Variants in MAPK6 observed in about 807,000 individuals in gnomAD.
The protein encoded by MAPK6 is ERK-3.
A neutral mutation model predicts 59.3 loss-of-function variants in MAPK6; 19 were observed. The ratio of observed to expected loss-of-function variants is 0.32; its 90% confidence interval spans 0.22 to 0.47. MAPK6 has a LOEUF of 0.47. MAPK6 is among the 20% of genes least tolerant of loss of function. MAPK6 has a pLI of 1.00. For missense variants in MAPK6, 724 were observed against 847.9 expected (o/e 0.85, Z 1.81); for synonymous variants, 316 against 290.3 (o/e 1.09, Z -0.90).
intron 1 of MAPK6, among the ~76,000 whole-genome samples, chr15:52,035,353 G>A (rs1448347502): frequency 6.6e-6 from 1 of 152,184 alleles, no homozygotes; most frequent in East Asian, 1.9e-4. Context: ...AAACCCATAG[G>A]GGGCCGGGCA....
At chr15:52,042,243 C>T (rs1221797249) in intron 1 of MAPK6, among the ~76,000 whole-genome samples, 1 of 152,208 alleles carries the variant, frequency 6.6e-6, no homozygotes, top group Admixed American at 6.5e-5. Context: ...TGAACAAGCA[C>T]TGCCATTGTA....
At chr15:51,981,334 G>A (rs1403662050) in intron 1 of MAPK6, among the ~76,000 whole-genome samples, 1 of 151,934 alleles carries the variant, frequency 6.6e-6, no homozygotes, top group African/African-American at 2.4e-5. Flanking sequence ...TTAGCCGCGT[G>A]TGGTGGCGGG....
chr15:52,036,431 A>G (rs1314176284), intron 1 of MAPK6, among the ~76,000 whole-genome samples: 2 of 152,200 alleles, frequency 1.3e-5, no homozygotes, highest in African/African-American at 2.4e-5. Context: ...GTCTGATACC[A>G]TGGTGCCGGC....
intron 3 of MAPK6, among the ~76,000 whole-genome samples, chr15:52,014,141 C>T (rs73398802): frequency 5.9e-5 from 9 of 152,098 alleles, no homozygotes; most frequent in Admixed American, 3.9e-4. Flanking sequence ...CCTGATGTCC[C>T]CGGTTCTTAT....
chr15:51,980,020 C>T (rs1362761180), intron 1 of MAPK6, among the ~76,000 whole-genome samples: 2 of 151,766 alleles, frequency 1.3e-5, no homozygotes, highest in South Asian at 2.1e-4. Context: ...AAGGGCCGGG[C>T]GCGGTGGCTC....
intron 2 of MAPK6, among the ~76,000 whole-genome samples, chr15:51,993,583 TATAG>T (rs139028623): frequency 2.1e-4 from 32 of 152,236 alleles, no homozygotes; most frequent in East Asian, 1.3e-3. Flanking sequence ...TAATTTTAAA[TATAG>T]ATAGATGGAT....
intron 1 of MAPK6, among the ~76,000 whole-genome samples, chr15:52,041,069 A>G (rs551794779): frequency 1.3e-5 from 2 of 152,206 alleles, no homozygotes. Context: ...AATTGGAAAG[A>G]TGCTGGAAAG....
chr15:51,987,227 A>C (rs1222899264), intron 2 of MAPK6, among the ~76,000 whole-genome samples: 1 of 152,210 alleles, frequency 6.6e-6, no homozygotes, highest in Non-Finnish European at 1.5e-5. Context: ...AATCGAACTG[A>C]GGAGGGAATT....
chr15:52,039,518 T>TC (rs2031349702), intron 1 of MAPK6, among the ~76,000 whole-genome samples: 1 of 146,858 alleles, frequency 6.8e-6, no homozygotes, highest in Non-Finnish European at 1.5e-5. Context: ...TCTTTTTTTT[T>TC]TTTTTTTTTT....
rs182410403 is a variant in MAPK6 at position 52,065,922 on chromosome 15, T to G, written c.*922T>G. On this transcript the variant is annotated 3_prime_UTR_variant, in exon 6 of 6. Transcript: ENST00000261845. The stretch of plus-strand genomic sequence containing the variant: ...GCTTGATCTATCTACAAAGAAAAAT[T>G]AATTAGGAATTACTTTATTATAAAA... 2 of 152,590 alleles carry G rather than the reference T, an allele frequency of 1.3e-5. No homozygotes were observed. Among genetic ancestry groups the G allele is most frequent in the Non-Finnish European group, 1.5e-5 (1 of 68,026 alleles). The allele number at this position is 152,590 out of a possible 1,614,324, so 9.5% of individuals were successfully genotyped here.
In MAPK6 at chr15:52,064,871, C is replaced by CCCACAGTTT; in HGVS notation, c.2039_2047dup (p.Pro680_Phe682dup). 6.2e-7 allele frequency: 1 copy of CCCACAGTTT among 1,611,928 alleles called. No homozygotes were observed. The highest frequency in any genetic ancestry group is 8.5e-7 in the Non-Finnish European group (1 of 1,179,826). ...ACAAGCAGCTCGAGTCCATAGGCAT[C>CCCACAGTTT]CCACAGTTTCACAGTCCAGTTGGGT... On this transcript the variant is annotated inframe_insertion, in exon 6 of 6. Coordinates refer to ENST00000261845, the MANE Select transcript of MAPK6 (RefSeq NM_002748.4).
chr15:52,052,577 C>T (rs2031817799), intron 3 of MAPK6, among the ~76,000 whole-genome samples: 1 of 152,144 alleles, frequency 6.6e-6, no homozygotes, highest in Non-Finnish European at 1.5e-5. Context: ...TCCTCTTTCC[C>T]CCAGCCCCTG....
At chr15:52,047,813 C>T (rs942757498) in intron 2 of MAPK6, among the ~76,000 whole-genome samples, 3 of 152,058 alleles carry the variant, frequency 2.0e-5, no homozygotes, top group Non-Finnish European at 4.4e-5. Flanking sequence ...TCTCTTTGAG[C>T]CTGTACTATT....
chr15:52,007,845 C>G lies in MAPK6; in HGVS notation c.-632+3443C>G, dbSNP rs958533219. ...AAAACTACCTCAACTGATATTTCAC[C>G]TCTTTTTTTTTTTTTTTTTGAGACG... is the stretch of plus-strand genomic sequence containing the variant. On this transcript the variant is annotated intron_variant, in intron 3 of 7. Transcript: ENST00000691380. Among the ~76,000 whole-genome samples, 22 of 150,110 alleles carry G rather than the reference C, an allele frequency of 1.5e-4. No individual in the cohort carries two copies. The East Asian group carries it at 2.7e-3, about 19-fold the overall frequency.
rs547209276 is a variant in MAPK6 at position 52,051,204 on chromosome 15, C to T, written c.700+1067C>T. On this transcript the variant is annotated intron_variant, in intron 3 of 5. Transcript: ENST00000261845. ...TCCCGAGTAGCTGGGACTACAGGCG[C>T]CCGCCCCGTCGCCCGGCTAATTTTT... is the stretch of plus-strand genomic sequence containing the variant. Among the ~76,000 whole-genome samples the T allele has an allele frequency of 7.9e-5, 12 of 152,174 alleles. No individual in the cohort carries two copies. The South Asian group carries it at 2.5e-3, about 32-fold the overall frequency.
At chr15:51,987,836 G>T (rs530809995) in intron 2 of MAPK6, among the ~76,000 whole-genome samples, 48 of 148,242 alleles carry the variant, frequency 3.2e-4, no homozygotes, top group Non-Finnish European at 5.8e-4. Flanking sequence ...TGCGATCTTG[G>T]CTCACTGCAA....
chr15:51,979,067 T>C (rs2057165298), intron 1 of MAPK6, among the ~76,000 whole-genome samples: 1 of 133,782 alleles, frequency 7.5e-6, no homozygotes, highest in African/African-American at 2.9e-5. Context: ...GCCATGATCA[T>C]GCCACTGCAC....
chr15:52,023,327 A>G lies in MAPK6; in HGVS notation c.-632+3951A>G, dbSNP rs954070925. Among the ~76,000 whole-genome samples, 10 of 152,170 alleles carry G rather than the reference A, an allele frequency of 6.6e-5. No homozygotes were observed. In the East Asian group the frequency reaches 1.5e-3, roughly 24 times the overall value. ...CTGTGTGGCATTGTTGGCTGCCTTC[A>G]TTAGTTCCTTCAGCCTGTTTTGTGG... On this transcript the variant is annotated intron_variant, in intron 1 of 5. Coordinates refer to ENST00000261845, the MANE Select transcript of MAPK6 (RefSeq NM_002748.4).
At chr15:52,002,768 C>T (rs553513436) in intron 2 of MAPK6, among the ~76,000 whole-genome samples, 2 of 152,128 alleles carry the variant, frequency 1.3e-5, no homozygotes, top group Non-Finnish European at 2.9e-5. Context: ...TCAACAGTTC[C>T]GCATGGCTGG....
Sources: gnomAD v4.1 joint callset for allele counts (sites outside exome capture counted in the v4.1 genomes callset) on GRCh38, gnomAD v4.1.1 for gene constraint, MANE v1.5 for transcripts, NCBI Gene and HGNC (gene_info 2026-07-23, HGNC 2026-07-21) for gene names.